The following ZCCHC2 variants were observed in gnomAD, a reference collection of about 807,000 sequenced individuals.
ZCCHC2 encodes zinc finger CCHC domain-containing protein 2.
Under a neutral mutation model 103.6 loss-of-function variants are expected in ZCCHC2, and 39 were observed. The observed-to-expected ratio is 0.38, with a 90% CI of 0.29 to 0.49. ZCCHC2 has a LOEUF of 0.49. Among genes scored for constraint, ZCCHC2 ranks in the 20% least tolerant of loss-of-function variants. The probability of loss-of-function intolerance (pLI) is 0.96; values close to 1 mark genes in which losing one functional copy is unlikely to be tolerated. For missense variants in ZCCHC2, 1,483 were observed against 1,491.0 expected, an observed-to-expected ratio of 0.99 and a Z score of 0.09; for synonymous variants, 687 against 608.9, an observed-to-expected ratio of 1.13 and a Z score of -1.89.
intron 11 of ZCCHC2, among the ~76,000 whole-genome samples, chr18:62,565,903 A>G (rs1916343131): frequency 6.6e-6 from 1 of 152,224 alleles, no homozygotes; most frequent in Non-Finnish European, 1.5e-5. Context: ...ATATTTGTAT[A>G]GAAAGACTGA....
Position 62,539,775 on chromosome 18 carries a change from A to G in ZCCHC2, c.1034A>G (p.His345Arg). ...CAGGACGGACTTACCGTGGCACCTC[A>G]CAGAGCTCAGCGAGAAGGTATGCTC... Reference protein sequence around the residue: ...IPQDGLTVAPHRAQREAVHIE... With the variant: ...IPQDGLTVAPRRAQREAVHIE... The change falls in exon 2 of 14, where the codon CAC (histidine) becomes CGC (arginine). Residue 345 changes from histidine to arginine, a missense_variant. Coordinates refer to ENST00000269499, the MANE Select transcript of ZCCHC2 (RefSeq NM_017742.6). The G allele has an allele frequency of 6.2e-7, 1 of 1,607,146 alleles. No individual in the cohort carries two copies. Among genetic ancestry groups the G allele is most frequent in the Non-Finnish European group, 8.5e-7 (1 of 1,176,446 alleles).
chr18:62,559,316 C>T (rs1916022283), intron 7 of ZCCHC2, among the ~76,000 whole-genome samples: 1 of 152,178 alleles, frequency 6.6e-6, no homozygotes, highest in Admixed American at 6.5e-5. Flanking sequence ...GTCAATGAGA[C>T]AATCATCCCA....
chr18:62,528,893 G>T (rs1914558478), intron 1 of ZCCHC2, among the ~76,000 whole-genome samples: 3 of 152,104 alleles, frequency 2.0e-5, no homozygotes. Context: ...AGGCGCAGTG[G>T]CTCACGCCTG....
At chr18:62,571,662 G>A (rs560566854) in intron 12 of ZCCHC2, among the ~76,000 whole-genome samples, 2 of 152,292 alleles carry the variant, frequency 1.3e-5, no homozygotes, top group East Asian at 1.9e-4. Context: ...TGATGACAAC[G>A]TCTGATTGGT....
chr18:62,555,792 G>A (rs1915860141), intron 5 of ZCCHC2, among the ~76,000 whole-genome samples: 1 of 149,630 alleles, frequency 6.7e-6, no homozygotes, highest in African/African-American at 2.4e-5. Context: ...TGGGCAATAA[G>A]AGCAAAATTC....
intron 2 of ZCCHC2, among the ~76,000 whole-genome samples, chr18:62,540,237 G>T (rs1031738179): frequency 6.6e-6 from 1 of 152,186 alleles, no homozygotes; most frequent in Non-Finnish European, 1.5e-5. Flanking sequence ...GAATGAATGG[G>T]TGGAAGGACA....
chr18:62,545,513 T>C (rs919090276), intron 4 of ZCCHC2, among the ~76,000 whole-genome samples: 3 of 152,200 alleles, frequency 2.0e-5, no homozygotes, highest in Non-Finnish European at 4.4e-5. Context: ...TATTACAGAC[T>C]TGCCAGAGGT....
rs542625444 is a variant in ZCCHC2 at position 62,562,925 on chromosome 18, G to A, written c.1551-84G>A. 2.3e-4 allele frequency: 337 copies of A among 1,466,546 alleles called. 2 individuals carry two copies. The Middle Eastern group carries it at 3.8e-3, about 17-fold the overall frequency. 90.8% of individuals were successfully genotyped at this position (1,466,546 alleles called of 1,614,324 possible). A position where few individuals can be genotyped will look rare whatever the true frequency, so the allele number is the denominator to read the frequency against. On this transcript the variant is annotated intron_variant, in intron 8 of 13. Transcript: ENST00000269499. Reference sequence around the variant, plus strand: ...TGAAGAAACTAATATATTGAAGAAAGGGTTACTGTAACTTCTTTGTTGAAA... The same window carrying A: ...TGAAGAAACTAATATATTGAAGAAAAGGTTACTGTAACTTCTTTGTTGAAA...
chr18:62,572,305 C>T (rs1916627568), intron 12 of ZCCHC2, among the ~76,000 whole-genome samples: 1 of 152,188 alleles, frequency 6.6e-6, no homozygotes, highest in Admixed American at 6.5e-5. Context: ...CTAGGATAAG[C>T]AGGTGACTCT....
At chr18:62,542,020 A>G (rs1053651974) in intron 2 of ZCCHC2, among the ~76,000 whole-genome samples, 2 of 152,130 alleles carry the variant, frequency 1.3e-5, no homozygotes, top group African/African-American at 4.8e-5. Context: ...TCAGCTTGGT[A>G]TATTACTTTT....
chr18:62,579,980 C>G (rs971684242), downstream of ZCCHC2, among the ~76,000 whole-genome samples: 1 of 143,670 alleles, frequency 7.0e-6, no homozygotes, highest in South Asian at 2.4e-4. Flanking sequence ...ATCCACCCGC[C>G]TTGGCCTCCC....
At position 62,523,310 on chromosome 18, in the gene ZCCHC2, C is replaced by A. The variant is rs952752799; in HGVS notation, c.-115C>A. On this transcript the variant is annotated 5_prime_UTR_variant, in exon 1 of 14. Coordinates refer to ENST00000269499, the MANE Select transcript of ZCCHC2 (RefSeq NM_017742.6). ...CCCGCCCCCGGCCCCGGCCCTCCCCCGGCGGCATGGAGGGGCCCCGCTCCT... is the reference window on the plus strand; with the variant it reads ...CCCGCCCCCGGCCCCGGCCCTCCCCAGGCGGCATGGAGGGGCCCCGCTCCT... 2.3e-4 allele frequency: 226 copies of A among 973,288 alleles called. 1 individual carries two copies. In the African/African-American group the frequency reaches 3.8e-3, roughly 16 times the overall value. 60.3% of individuals were successfully genotyped at this position (973,288 alleles called of 1,614,324 possible).
At chr18:62,563,295 T>C (rs962911661) in intron 9 of ZCCHC2, among the ~76,000 whole-genome samples, 151 bp downstream of exon 9, 2 of 152,234 alleles carry the variant, frequency 1.3e-5, no homozygotes, top group Admixed American at 1.3e-4. Flanking sequence ...ATATATGATC[T>C]AAGCTCTTCT....
At chr18:62,565,319 G>A (rs1238023927) in intron 11 of ZCCHC2, among the ~76,000 whole-genome samples, 1 of 152,148 alleles carries the variant, frequency 6.6e-6, no homozygotes, top group Non-Finnish European at 1.5e-5. Flanking sequence ...TTGCCTCAGT[G>A]ATTCTCACCT....
chr18:62,576,801 C>A lies in ZCCHC2; in HGVS notation c.*222C>A. Reference sequence around the variant, plus strand: ...CAACAACAGGCTTATATGTATGATACATGTAATTTAAACCTTCAGACAAAC... The same window carrying A: ...CAACAACAGGCTTATATGTATGATAAATGTAATTTAAACCTTCAGACAAAC... On this transcript the variant is annotated 3_prime_UTR_variant, in exon 14 of 14. Transcript: ENST00000269499. 3.0e-5 allele frequency: 12 copies of A among 403,238 alleles called. No individual in the cohort carries two copies. The highest frequency in any genetic ancestry group is 4.2e-5 in the East Asian group (1 of 23,776). The allele number at this position is 403,238 out of a possible 1,614,324, so 25.0% of individuals were successfully genotyped here. A position where few individuals can be genotyped will look rare whatever the true frequency, so the allele number is the denominator to read the frequency against.
At chr18:62,566,726 G>A (rs1916382624) in intron 11 of ZCCHC2, among the ~76,000 whole-genome samples, 1 of 152,156 alleles carries the variant, frequency 6.6e-6, no homozygotes, top group Admixed American at 6.5e-5. Flanking sequence ...TGAGTGTTGT[G>A]CTCCCCCAGT....
intron 4 of ZCCHC2, 65 bp from the exon 5 acceptor site, chr18:62,550,283 A>T: frequency 8.1e-7 from 1 of 1,239,652 alleles, no homozygotes; most frequent in Non-Finnish European, 1.1e-6. Context: ...TATGCATATA[A>T]CTTGTAACAT....
chr18:62,574,323 A>G lies in ZCCHC2; in HGVS notation c.2242A>G (p.Ile748Val). The change falls in exon 13 of 14, where the codon ATA becomes GTA. Residue 748 changes from isoleucine to valine, a missense_variant. Physicochemically the swap from Ile to Val is conservative, Grantham distance 29. Around this residue, in one of 3 missense-constraint regions of ZCCHC2, gnomAD observed 884 missense variants for 907.5 expected, o/e 0.97. Coordinates refer to ENST00000269499, the MANE Select transcript of ZCCHC2 (RefSeq NM_017742.6). The part of the protein sequence containing the change: ...PAPKPADGKT[I>V]GMLVPSPVAI... The stretch of plus-strand genomic sequence containing the variant: ...ACCCAAACCCGCTGATGGCAAAACC[A>G]TAGGGATGCTTGTTCCTAGTCCTGT... 1.2e-6 allele frequency: 2 copies of G among 1,614,076 alleles called. No individual in the cohort carries two copies. Among genetic ancestry groups the G allele is most frequent in the South Asian group, 2.2e-5 (2 of 91,090 alleles).
At chr18:62,529,082 C>G (rs192566822) in intron 1 of ZCCHC2, among the ~76,000 whole-genome samples, 52 of 149,668 alleles carry the variant, frequency 3.5e-4, no homozygotes, top group African/African-American at 1.3e-3. Context: ...ATTGCTTGAA[C>G]CAGAGAAGCG....
Sources: gnomAD v4.1 joint callset for allele counts (sites outside exome capture counted in the v4.1 genomes callset) on GRCh38, gnomAD v4.1.1 for gene constraint, gnomAD v4.1.1 regional missense constraint, MANE v1.5 for transcripts, NCBI Gene and HGNC (gene_info 2026-07-23, HGNC 2026-07-21) for gene names.